DOCK1: variants seen among roughly 807,000 people sequenced by gnomAD.
DOCK1 encodes dedicator of cytokinesis 1, also known as dedicator of cytokinesis protein 1.
A neutral mutation model predicts 262.7 loss-of-function variants in DOCK1; 138 were observed. The observed-to-expected ratio is 0.53, with a 90% CI of 0.46 to 0.61. The LOEUF is 0.61. Among genes scored for constraint, DOCK1 ranks in the 20% least tolerant of loss-of-function variants. DOCK1 has a pLI of 0.00. For synonymous variants in DOCK1, 866 were observed against 867.4 expected (o/e 1.00, Z 0.03); for missense variants, 1,908 against 2,370.7 (o/e 0.80, Z 4.05).
chr10:127,057,221 T>G (rs1168698335), intron 22 of DOCK1, among the ~76,000 whole-genome samples: 1 of 152,242 alleles, frequency 6.6e-6, no homozygotes, highest in Non-Finnish European at 1.5e-5. Context: ...ACCTGCAGCA[T>G]GTTTATTACC....
intron 27 of DOCK1, among the ~76,000 whole-genome samples, chr10:127,173,070 A>G (rs2054733205): frequency 6.6e-6 from 1 of 151,986 alleles, no homozygotes; most frequent in African/African-American, 2.4e-5. Flanking sequence ...CATATAGGGG[A>G]TGCATTCATC....
intron 24 of DOCK1, among the ~76,000 whole-genome samples, chr10:127,108,747 G>A (rs1013922982): frequency 6.6e-5 from 10 of 152,088 alleles, no homozygotes; most frequent in South Asian, 2.1e-4. Flanking sequence ...AACAATAGAC[G>A]CAGCATCTAT....
At chr10:127,093,700 C>A (rs2047728294) in intron 23 of DOCK1, among the ~76,000 whole-genome samples, 1 of 151,772 alleles carries the variant, frequency 6.6e-6, no homozygotes, top group Non-Finnish European at 1.5e-5. Flanking sequence ...ATTTAGGGCC[C>A]ACTGTAATTC....
intron 23 of DOCK1, 137 bp downstream of exon 23, chr10:127,061,913 G>T (rs1564772738): frequency 3.2e-5 from 11 of 338,914 alleles, no homozygotes; most frequent in South Asian, 9.0e-5. Context: ...ATCTCAATTT[G>T]ATTTCAAGAG....
intron 44 of DOCK1, 81 bp downstream of exon 44, chr10:127,415,319 C>A: frequency 7.1e-7 from 1 of 1,413,524 alleles, no homozygotes; most frequent in Non-Finnish European, 9.8e-7. Flanking sequence ...CCTGCTCATG[C>A]CCCGTGGTCA....
At chr10:127,199,406 A>G (rs2057355886) in intron 27 of DOCK1, among the ~76,000 whole-genome samples, 1 of 152,236 alleles carries the variant, frequency 6.6e-6, no homozygotes, top group Admixed American at 6.5e-5. Context: ...AAGAATGTTC[A>G]TAACAGGTTT....
intron 27 of DOCK1, chr10:127,128,020 G>A (rs951859643): frequency 3.4e-5 from 9 of 262,696 alleles, no homozygotes; most frequent in Middle Eastern, 1.2e-3. Flanking sequence ...CTGCTGAGTC[G>A]TCATTCTTCT....
At chr10:127,420,855 A>G (rs1253141453) in intron 46 of DOCK1, among the ~76,000 whole-genome samples, 2 of 151,738 alleles carry the variant, frequency 1.3e-5, no homozygotes, top group African/African-American at 2.4e-5. Flanking sequence ...AAAAAAAGGA[A>G]CAGGGCAAGG....
chr10:126,938,832 C>G (rs1308210333), intron 1 of DOCK1, among the ~76,000 whole-genome samples: 2 of 42,872 alleles, frequency 4.7e-5, no homozygotes, highest in Admixed American at 1.9e-4. Context: ...AGGGGACGAA[C>G]ACAGGAGGGG....
intron 29 of DOCK1, among the ~76,000 whole-genome samples, chr10:127,274,056 T>C (rs1036378938): frequency 2.6e-5 from 4 of 152,162 alleles, no homozygotes; most frequent in Non-Finnish European, 5.9e-5. Context: ...TGCATGTAAT[T>C]CACAGGTCCT....
At chr10:127,383,933 T>C (rs1167078561) in intron 37 of DOCK1, among the ~76,000 whole-genome samples, 1 of 152,150 alleles carries the variant, frequency 6.6e-6, no homozygotes, top group African/African-American at 2.4e-5. Flanking sequence ...TTCTTCTTCC[T>C]GTAGAAGGGT....
chr10:127,363,892 A>G (rs1325310107), intron 33 of DOCK1, among the ~76,000 whole-genome samples: 2 of 152,216 alleles, frequency 1.3e-5, no homozygotes. Flanking sequence ...GTCCTCAGCA[A>G]ATCACTCAAC....
chr10:127,416,839 T>C (rs990639371), intron 44 of DOCK1, among the ~76,000 whole-genome samples: 1 of 152,186 alleles, frequency 6.6e-6, no homozygotes, highest in African/African-American at 2.4e-5. Flanking sequence ...AAGTAAGTTG[T>C]GGGGTCAGGA....
intron 1 of DOCK1, among the ~76,000 whole-genome samples, chr10:126,948,517 C>G (rs1431703022): frequency 6.6e-6 from 1 of 151,830 alleles, no homozygotes; most frequent in African/African-American, 2.4e-5. Flanking sequence ...CCAGCCGGGC[C>G]TTTTGAGGGC....
rs1196022170 is a variant in DOCK1 at position 127,042,605 on chromosome 10, G to T, written c.2011-20G>T. ...GTCCGGTGGGTTCACATTGTCACCC[G>T]ACCTTCTGTGTCTATGCAGTTTCTT... On this transcript the variant is annotated intron_variant, in intron 19 of 51. Transcript: ENST00000623213. 1 of 1,611,944 alleles carries T rather than the reference G, an allele frequency of 6.2e-7. No homozygotes were observed. Among genetic ancestry groups the T allele is most frequent in the Non-Finnish European group, 8.5e-7 (1 of 1,178,120 alleles).
chr10:126,992,763 CAGACAG>C (rs1565039747), intron 6 of DOCK1, among the ~76,000 whole-genome samples: 6 of 143,764 alleles, frequency 4.2e-5, no homozygotes, highest in Non-Finnish European at 7.7e-5. Context: ...CACACACACA[CAGACAG>C]ACACAGACAC....
rs184437714 is a variant in DOCK1, at chr10:127,012,343, C to T, written c.1170C>T (p.Ile390=). The T allele has an allele frequency of 2.1e-4, 339 of 1,613,964 alleles. 2 individuals are homozygous for T. In the East Asian group the frequency reaches 3.9e-3, roughly 19 times the overall value. The change falls in exon 12 of 52, where the codon ATC becomes ATT. Residue 390 remains isoleucine (I), a synonymous_variant. Coordinates refer to ENST00000623213, the MANE Select transcript of DOCK1 (RefSeq NM_001290223.2). The surrounding 1 kb of genome is among the most constrained non-coding windows in gnomAD (Gnocchi z 4.0). ...TTCAGACTGTTATAAACAAAGTCAT[C>T]GCTGCCAAAGAAGTCAACCACAAGG... ...DFLQTVINKV[I]AAKEVNHKGQ... is the part of the protein sequence containing the mutation.
intron 27 of DOCK1, among the ~76,000 whole-genome samples, chr10:127,205,685 T>C (rs1476533888): frequency 6.6e-6 from 1 of 152,218 alleles, no homozygotes; most frequent in Non-Finnish European, 1.5e-5. Flanking sequence ...AAGGACATTT[T>C]TAAACATTGC....
chr10:127,187,242 C>T (rs543897338), intron 27 of DOCK1, among the ~76,000 whole-genome samples: 1 of 152,310 alleles, frequency 6.6e-6, no homozygotes, highest in Non-Finnish European at 1.5e-5. Context: ...TCCAGCACCT[C>T]CTTGGAACAG....
Sources: allele counts gnomAD v4.1 joint callset (sites outside exome capture counted in the v4.1 genomes callset), GRCh38; gene constraint gnomAD v4.1.1; non-coding constraint Gnocchi (gnomAD v3.1); transcripts MANE v1.5; gene names NCBI Gene and HGNC (gene_info 2026-07-23, HGNC 2026-07-21).